HHAT: variants seen among roughly 807,000 people sequenced by gnomAD.
HHAT encodes the protein protein-cysteine N-palmitoyltransferase HHAT.
HHAT carries 47 observed loss-of-function variants against 70.8 expected under a neutral mutation model. The ratio of observed to expected loss-of-function variants is 0.66; its 90% confidence interval spans 0.53 to 0.85. The LOEUF is 0.85. HHAT is among the 40% of genes least tolerant of loss of function. HHAT has a pLI of 0.00. For missense variants in HHAT, 609 were observed against 604.8 expected (o/e 1.01, Z -0.07); for synonymous variants, 228 against 247.6 (o/e 0.92, Z 0.74).
intron 9 of HHAT, among the ~76,000 whole-genome samples, chr1:210,561,867 G>C (rs958049215): frequency 2.0e-4 from 31 of 152,268 alleles, no homozygotes; most frequent in African/African-American, 7.5e-4. Flanking sequence ...ACTCCCTGAA[G>C]GTGGGGACTG....
chr1:210,587,851 G>T (rs753977626), intron 9 of HHAT, 47 bp from the exon 10 acceptor site: 9 of 1,436,172 alleles, frequency 6.3e-6, no homozygotes, highest in Non-Finnish European at 9.7e-7. Flanking sequence ...AGATAGAGTT[G>T]CAGGGCAGCC....
intron 11 of HHAT, among the ~76,000 whole-genome samples, chr1:210,635,303 A>T (rs1053743057): frequency 8.5e-5 from 13 of 152,212 alleles, no homozygotes; most frequent in African/African-American, 2.2e-4. Context: ...TTGATGAGTA[A>T]GCTGTTTGCA....
intron 9 of HHAT, among the ~76,000 whole-genome samples, chr1:210,562,898 A>C (rs1220842761): frequency 6.8e-6 from 1 of 146,212 alleles, no homozygotes; most frequent in Non-Finnish European, 1.5e-5. Flanking sequence ...GAGTGAGAAC[A>C]TGCGGTGTTT....
chr1:210,492,503 G>T (rs986886082), intron 8 of HHAT, among the ~76,000 whole-genome samples: 1 of 152,206 alleles, frequency 6.6e-6, no homozygotes, highest in Non-Finnish European at 1.5e-5. Context: ...TACCAAAGTA[G>T]AATGTGTCTA....
intron 7 of HHAT, among the ~76,000 whole-genome samples, chr1:210,439,103 C>T (rs575341780): frequency 3.9e-5 from 6 of 151,930 alleles, no homozygotes; most frequent in African/African-American, 4.8e-5. Context: ...GTTTGGTGTC[C>T]GCATTGAAAT....
chr1:210,410,325 G>A (rs1391055463), intron 6 of HHAT, among the ~76,000 whole-genome samples: 2 of 151,596 alleles, frequency 1.3e-5, no homozygotes, highest in African/African-American at 2.4e-5. Flanking sequence ...CAAAGTGCTG[G>A]GATTGCAGGC....
Position 210,432,314 on chromosome 1 carries a change from G to A in HHAT, c.856+13989G>A, listed in dbSNP as rs535145751. 6.6e-5 allele frequency among the ~76,000 whole-genome samples: 10 copies of A among 152,002 alleles called. No individual in the cohort carries two copies. In the South Asian group the frequency reaches 1.2e-3, roughly 19 times the overall value. ...AATGTTAAAATTTAAGAGGTGAGCC[G>A]GAAAAGGAGTCAGTAACGAATGAGA... On this transcript the variant is annotated intron_variant, in intron 7 of 11. Coordinates refer to ENST00000261458, the MANE Select transcript of HHAT (RefSeq NM_018194.6).
chr1:210,399,159 A>G (rs1017677122), intron 4 of HHAT, among the ~76,000 whole-genome samples: 5 of 152,240 alleles, frequency 3.3e-5, no homozygotes, highest in Admixed American at 3.3e-4. Flanking sequence ...TTTAAAATGC[A>G]TGCCCGTGAG....
intron 8 of HHAT, among the ~76,000 whole-genome samples, chr1:210,482,907 C>G (rs1265208120): frequency 6.6e-6 from 1 of 152,172 alleles, no homozygotes; most frequent in Non-Finnish European, 1.5e-5. Flanking sequence ...TTTCATCACT[C>G]TCTTCTCATT....
At chr1:210,486,208 C>T (rs1479870351) in intron 8 of HHAT, among the ~76,000 whole-genome samples, 2 of 152,028 alleles carry the variant, frequency 1.3e-5, no homozygotes, top group African/African-American at 4.8e-5. Flanking sequence ...GAAGTGTAAT[C>T]AGGATGTTAA....
At chr1:210,365,620 C>T (rs1046672104) in intron 3 of HHAT, among the ~76,000 whole-genome samples, 1 of 144,952 alleles carries the variant, frequency 6.9e-6, no homozygotes, top group Non-Finnish European at 1.5e-5. Context: ...GCCTGGCTGA[C>T]ATTTTATTTT....
chr1:210,461,875 C>G (rs2093986287), intron 7 of HHAT, among the ~76,000 whole-genome samples: 1 of 152,138 alleles, frequency 6.6e-6, no homozygotes, highest in Non-Finnish European at 1.5e-5. Flanking sequence ...ACTTGTATGA[C>G]TTCTTGTGCT....
chr1:210,569,005 C>G (rs1655455013), intron 9 of HHAT, among the ~76,000 whole-genome samples: 1 of 152,094 alleles, frequency 6.6e-6, no homozygotes, highest in Non-Finnish European at 1.5e-5. Flanking sequence ...TAGAGGACAC[C>G]TAGCTCATGT....
intron 9 of HHAT, among the ~76,000 whole-genome samples, chr1:210,519,527 C>CTT (rs35244381): frequency 0.21 from 26,388 of 127,192 alleles, 3,515 homozygotes; most frequent in Non-Finnish European, 0.27. Context: ...ATTTTCTTTG[C>CTT]TTTTTTTTTT....
chr1:210,548,902 A>G (rs1385606040), intron 9 of HHAT, among the ~76,000 whole-genome samples: 1 of 152,230 alleles, frequency 6.6e-6, no homozygotes, highest in African/African-American at 2.4e-5. Context: ...CTAATGCCTA[A>G]TAGACCCTGC....
chr1:210,356,271 C>G (rs1446329577), intron 2 of HHAT, among the ~76,000 whole-genome samples: 1 of 152,114 alleles, frequency 6.6e-6, no homozygotes, highest in Non-Finnish European at 1.5e-5. Flanking sequence ...TTTTGCAGAG[C>G]CCAGGCACAT....
intron 9 of HHAT, among the ~76,000 whole-genome samples, chr1:210,540,985 C>T (rs2095424840): frequency 6.6e-6 from 1 of 152,006 alleles, no homozygotes; most frequent in African/African-American, 2.4e-5. Flanking sequence ...CGACTACAGG[C>T]GCACGCCGCC....
intron 11 of HHAT, among the ~76,000 whole-genome samples, chr1:210,633,835 C>T (rs1395088219): frequency 6.6e-6 from 1 of 152,178 alleles, no homozygotes. Context: ...CTTGCTGGCG[C>T]ATGTGCCCAC....
intron 8 of HHAT, among the ~76,000 whole-genome samples, chr1:210,509,926 G>A (rs758504821): frequency 3.3e-5 from 5 of 152,162 alleles, no homozygotes; most frequent in Non-Finnish European, 7.3e-5. Context: ...TTAGTTCTCA[G>A]ATACATTCAT....
Sources: allele counts gnomAD v4.1 joint callset (sites outside exome capture counted in the v4.1 genomes callset), GRCh38; gene constraint gnomAD v4.1.1; transcripts MANE v1.5; gene names NCBI Gene and HGNC (gene_info 2026-07-23, HGNC 2026-07-21).